The following TNFRSF8 variants were observed in gnomAD, a reference collection of about 807,000 sequenced individuals.
TNFRSF8 encodes TNF receptor superfamily member 8.
In TNFRSF8, 26 loss-of-function variants were observed where a neutral mutation model predicts 70.8. The observed-to-expected ratio is 0.37, with a 90% CI of 0.27 to 0.51. The LOEUF is 0.51. TNFRSF8 is among the 20% of genes least tolerant of loss of function. TNFRSF8 has a pLI of 0.94. For synonymous variants in TNFRSF8, 356 were observed against 339.2 expected (o/e 1.05, Z -0.54); for missense variants, 720 against 807.9 (o/e 0.89, Z 1.32).
rs1158641226 is a variant in TNFRSF8 at position 12,123,737 on chromosome 1, C to T, written c.1063C>T (p.Leu355=). The T allele has an allele frequency of 6.4e-7, 1 of 1,569,232 alleles. No homozygotes were observed. Among genetic ancestry groups the T allele is most frequent in the Non-Finnish European group, 8.6e-7 (1 of 1,156,554 alleles). ...PASTSPTQSL[L]VDSQASKTLP... ...CAGCACCAGCCCCACTCAGAGCTTG[C>T]TGGTGGACTCCCAGGCCAGTAAGAC... The change falls in exon 10 of 15, where the codon CTG becomes TTG. Residue 355 remains leucine, a synonymous_variant. Coordinates refer to ENST00000263932, the MANE Select transcript of TNFRSF8 (RefSeq NM_001243.5).
Position 12,110,290 on chromosome 1 carries a change from G to A in TNFRSF8, c.676+86G>A. 7.3e-7 allele frequency: 1 copy of A among 1,369,138 alleles called. No homozygotes were observed. The highest frequency in any genetic ancestry group is 9.8e-7 in the Non-Finnish European group (1 of 1,023,490). The allele number at this position is 1,369,138 out of a possible 1,614,324, so 84.8% of individuals were successfully genotyped here. On this transcript the variant is annotated intron_variant, in intron 6 of 14. Coordinates refer to ENST00000263932, the MANE Select transcript of TNFRSF8 (RefSeq NM_001243.5). The surrounding 1 kb of genome is among the most constrained non-coding windows in gnomAD (Gnocchi z 4.0). ...TGAGTGGGGGTGTTTGGAGCAGGCG[G>A]GCAGTGATCTGTGGTCTTTTCCTGG...
rs1258680512 is a variant in TNFRSF8 at position 12,136,723 on chromosome 1, G to A, written c.1335+1110G>A. Among the ~76,000 whole-genome samples, 3 of 151,478 alleles carry A rather than the reference G, an allele frequency of 2.0e-5. No individual in the cohort carries two copies. The East Asian group carries it at 5.8e-4, about 29-fold the overall frequency. ...AAGAGTATTCAAGAGTATGTATTAA[G>A]GTTGGTGCCATTTGCCATTAAAAGT... On this transcript the variant is annotated intron_variant, in intron 13 of 14. Coordinates refer to ENST00000263932, the MANE Select transcript of TNFRSF8 (RefSeq NM_001243.5).
intron 12 of TNFRSF8, among the ~76,000 whole-genome samples, chr1:12,133,282 G>C (rs993079121): frequency 6.6e-6 from 1 of 151,900 alleles, no homozygotes; most frequent in Admixed American, 6.6e-5. Flanking sequence ...CTTCAAGGCC[G>C]AGTTGTGTCA....
chr1:12,141,641 C>T lies in TNFRSF8; in HGVS notation c.1544-646C>T, dbSNP rs994791911. On this transcript the variant is annotated intron_variant, in intron 14 of 14. Coordinates refer to ENST00000263932, the MANE Select transcript of TNFRSF8 (RefSeq NM_001243.5). The surrounding 1 kb of genome is among the most constrained non-coding windows in gnomAD (Gnocchi z 5.4). ...ACAGGCTGGCTGAGTTTGCCCGGAC[C>T]GAGGGGACTCCCAGGACACGGGACT... is the stretch of plus-strand genomic sequence containing the variant. Among the ~76,000 whole-genome samples the T allele has an allele frequency of 2.0e-5, 3 of 152,188 alleles. No homozygotes were observed. Among genetic ancestry groups the T allele is most frequent in the South Asian group, 2.1e-4 (1 of 4,830 alleles).
chr1:12,115,718 C>T lies in TNFRSF8; in HGVS notation c.935C>T (p.Thr312Ile). ...PYPICAAETVTKPQDMAEKDT... is the reference protein window; with the variant it reads ...PYPICAAETVIKPQDMAEKDT... Reference sequence around the variant, plus strand: ...CCAATCTGTGCAGCAGAGACGGTCACCAAGCCCCAGGGTAAGCAGTTCCCA... The same window carrying T: ...CCAATCTGTGCAGCAGAGACGGTCATCAAGCCCCAGGGTAAGCAGTTCCCA... The change falls in exon 8 of 15, where the codon ACC becomes ATC. Residue 312 changes from threonine to isoleucine, a missense_variant. Transcript: ENST00000263932. 1 of 1,614,152 alleles carries T rather than the reference C, an allele frequency of 6.2e-7. No homozygotes were observed. Among genetic ancestry groups the T allele is most frequent in the Non-Finnish European group, 8.5e-7 (1 of 1,180,008 alleles).
intron 3 of TNFRSF8, among the ~76,000 whole-genome samples, 197 bp downstream of exon 3, chr1:12,097,414 A>T (rs541684042): frequency 3.3e-5 from 5 of 152,302 alleles, no homozygotes; most frequent in Admixed American, 1.3e-4. Flanking sequence ...ATACTTTCAC[A>T]GAGACTTAAC....
chr1:12,104,921 G>A (rs555845105), intron 4 of TNFRSF8, among the ~76,000 whole-genome samples: 8 of 152,330 alleles, frequency 5.3e-5, no homozygotes, highest in African/African-American at 1.9e-4. Flanking sequence ...AGTTAGAGGT[G>A]CTGAGAGATC....
chr1:12,072,848 G>A (rs1640871297), intron 1 of TNFRSF8, among the ~76,000 whole-genome samples: 1 of 152,174 alleles, frequency 6.6e-6, no homozygotes, highest in South Asian at 2.1e-4. Context: ...TTCCCAGCCT[G>A]GGCAGGCACC....
At chr1:12,135,261 A>AG (rs1370579172) in intron 12 of TNFRSF8, among the ~76,000 whole-genome samples, 2 of 144,586 alleles carry the variant, frequency 1.4e-5, no homozygotes, top group Non-Finnish European at 3.0e-5. Flanking sequence ...GGTTACATTG[A>AG]GCCGAGATCA....
intron 12 of TNFRSF8, among the ~76,000 whole-genome samples, chr1:12,128,385 G>A (rs1324716498): frequency 6.6e-6 from 1 of 152,230 alleles, no homozygotes; most frequent in Non-Finnish European, 1.5e-5. Context: ...GGTCCGTGCA[G>A]GTGCGATGAG....
At chr1:12,137,225 T>C in intron 13 of TNFRSF8, among the ~76,000 whole-genome samples, 1 of 152,160 alleles carries the variant, frequency 6.6e-6, no homozygotes, top group East Asian at 1.9e-4. Context: ...GGTTTTGTTT[T>C]AAAAAGCTCC....
intron 12 of TNFRSF8, among the ~76,000 whole-genome samples, chr1:12,134,896 C>T (rs1642116385): frequency 6.6e-6 from 1 of 152,170 alleles, no homozygotes; most frequent in South Asian, 2.1e-4. Context: ...ACAGACGAGC[C>T]TCTGACCCAG....
chr1:12,113,673 GAGACAGAA>G lies in TNFRSF8; in HGVS notation c.793+1671_793+1678del, dbSNP rs996371676. ...AGAGACGGAGTGAGCGAGAGAGAGA[GAGACAGAA>G]AGACAGAAAGAGAGACTGAGAGACA... On this transcript the variant is annotated intron_variant, in intron 7 of 14. Transcript: ENST00000263932. The surrounding 1 kb of genome is among the most constrained non-coding windows in gnomAD (Gnocchi z 4.9). Among the ~76,000 whole-genome samples, 6 of 141,514 alleles carry G rather than the reference GAGACAGAA, an allele frequency of 4.2e-5. No individual in the cohort carries two copies. The highest frequency in any genetic ancestry group is 7.5e-5 in the Non-Finnish European group (5 of 66,678). The allele number at this position is 141,514 out of a possible 152,430, so 92.8% of individuals were successfully genotyped here.
intron 1 of TNFRSF8, among the ~76,000 whole-genome samples, chr1:12,069,118 G>A (rs1251026097): frequency 2.9e-5 from 4 of 138,806 alleles, no homozygotes; most frequent in Non-Finnish European, 4.5e-5. Context: ...TGATCCACCC[G>A]CCTCGGCCTT....
rs1164422800 is a variant in TNFRSF8, at chr1:12,110,038, C to T, written c.513-3C>T. The T allele has an allele frequency of 6.2e-7, 1 of 1,612,488 alleles. No homozygotes were observed. Among genetic ancestry groups the T allele is most frequent in the South Asian group, 1.1e-5 (1 of 90,822 alleles). ...TCAGTCCCATCTCTGGCTTCTTCCC[C>T]AGTGGCACCATCCCCCAGGCCAAGC... is the stretch of plus-strand genomic sequence containing the variant. On this transcript the variant is annotated splice_region_variant and splice_polypyrimidine_tract_variant and intron_variant, in intron 5 of 14. Transcript: ENST00000263932. The surrounding 1 kb of genome is among the most constrained non-coding windows in gnomAD (Gnocchi z 4.0).
rs753879828 is a variant in TNFRSF8 at position 12,126,030 on chromosome 1, C to A, written c.1233C>A (p.Ala411=). Residue 411 remains alanine (A), a synonymous_variant, in exon 11 of 15, where the codon GCC becomes GCA. Transcript: ENST00000263932. ...SSAFLLCHRR[A]CRKRIRQKLH... ...CCTTCCTCCTGTGCCACCGGAGGGC[C>A]TGCAGGAAGCGAATTCGGCAGAGTA... 6.2e-7 allele frequency: 1 copy of A among 1,614,142 alleles called. No homozygotes were observed. Among genetic ancestry groups the A allele is most frequent in the Non-Finnish European group, 8.5e-7 (1 of 1,179,996 alleles).
chr1:12,142,206 C>A lies in TNFRSF8; in HGVS notation c.1544-81C>A. 1 of 1,477,154 alleles carries A rather than the reference C, an allele frequency of 6.8e-7. No individual in the cohort carries two copies. The highest frequency in any genetic ancestry group is 9.0e-7 in the Non-Finnish European group (1 of 1,108,076). 91.5% of individuals were successfully genotyped at this position (1,477,154 alleles called of 1,614,324 possible). ...ACCCGGCAGGTGTACCAGCACTGGGCCTCGGCCCTTCTCTGCCTCTTTGCT... is the reference window on the plus strand; with the variant it reads ...ACCCGGCAGGTGTACCAGCACTGGGACTCGGCCCTTCTCTGCCTCTTTGCT... On this transcript the variant is annotated intron_variant, in intron 14 of 14. Coordinates refer to ENST00000263932, the MANE Select transcript of TNFRSF8 (RefSeq NM_001243.5). This position sits in a 1 kb window ranked among gnomAD's most constrained non-coding sequence, Gnocchi z 5.0.
chr1:12,138,455 G>A lies in TNFRSF8; in HGVS notation c.1543+19G>A. The A allele has an allele frequency of 6.2e-7, 1 of 1,601,248 alleles. No homozygotes were observed. Among genetic ancestry groups the A allele is most frequent in the Non-Finnish European group, 8.5e-7 (1 of 1,171,372 alleles). On this transcript the variant is annotated intron_variant, in intron 14 of 14. Coordinates refer to ENST00000263932, the MANE Select transcript of TNFRSF8 (RefSeq NM_001243.5). The surrounding 1 kb of genome is among the most constrained non-coding windows in gnomAD (Gnocchi z 5.7). ...AAGATTGGTGAGTCAGCCTGTTTTG[G>A]GAGGTCCCCTGCAGCCCAGGGGCAG...
At chr1:12,117,754 G>A in intron 8 of TNFRSF8, among the ~76,000 whole-genome samples, 1 of 152,290 alleles carries the variant, frequency 6.6e-6, no homozygotes, top group African/African-American at 2.4e-5. Context: ...CTTAGATTGG[G>A]TGGTGAACTC....
Sources: allele counts gnomAD v4.1 joint callset (sites outside exome capture counted in the v4.1 genomes callset), GRCh38; gene constraint gnomAD v4.1.1; non-coding constraint Gnocchi (gnomAD v3.1); transcripts MANE v1.5; gene names NCBI Gene and HGNC (gene_info 2026-07-23, HGNC 2026-07-21).